The following LCK variants were observed in gnomAD, a reference collection of about 807,000 sequenced individuals.
LCK encodes the protein LCK proto-oncogene, Src family tyrosine kinase.
Under a neutral mutation model 64.6 loss-of-function variants are expected in LCK, and 14 were observed. The observed-to-expected ratio is 0.22, with a 90% confidence interval of 0.14 to 0.34. The LOEUF (loss-of-function observed/expected upper bound fraction) is 0.34, where lower values mean the gene tolerates loss of function less well. Ranked by LOEUF, LCK falls within the 10% of genes least tolerant of loss-of-function variation. The pLI, the probability that LCK is intolerant of heterozygous loss-of-function variation, is 1.00. For synonymous variants in LCK, 277 were observed against 263.6 expected (o/e 1.05, Z -0.49); for missense variants, 434 against 668.1 (o/e 0.65, Z 3.86).
rs10914545 is a variant in LCK at position 32,285,926 on chromosome 1, A to G, written c.*210A>G. 7.8e-3 allele frequency: 4,714 copies of G among 603,554 alleles called. 24 individuals carry two copies. Among genetic ancestry groups the G allele is most frequent in the Non-Finnish European group, 0.01 (3,433 of 339,692 alleles). The allele number at this position is 603,554 out of a possible 1,614,324, so 37.4% of individuals were successfully genotyped here. On this transcript the variant is annotated 3_prime_UTR_variant, in exon 13 of 13. Coordinates refer to ENST00000336890, the MANE Select transcript of LCK (RefSeq NM_005356.5). ...TGTCTTGTACATGTGTAGCCTGTGC[A>G]TGTATGTCTTGGACACTGTACAAGG...
chr1:32,255,454 G>T (rs1034386567), intron 1 of LCK, among the ~76,000 whole-genome samples: 5 of 152,170 alleles, frequency 3.3e-5, no homozygotes, highest in Non-Finnish European at 5.9e-5. Flanking sequence ...GTGTATGCGG[G>T]ATGTCTTTCC....
At chr1:32,279,586 C>A in intron 9 of LCK, 85 bp from the exon 10 acceptor site, 1 of 1,609,532 alleles carries the variant, frequency 6.2e-7, no homozygotes, top group Non-Finnish European at 8.5e-7. Context: ...GTCAGACACA[C>A]TTCTAGACTC....
chr1:32,265,790 T>C (rs1639892237), intron 1 of LCK, among the ~76,000 whole-genome samples: 2 of 152,164 alleles, frequency 1.3e-5, no homozygotes, highest in Admixed American at 6.6e-5. Flanking sequence ...TTTCTCACTG[T>C]TGCACCATAG....
In LCK at chr1:32,275,537, C is replaced by T. The variant is rs200550970; in HGVS notation, c.378-32C>T. ...CCACGGAGGAAGATCCGACGACAGC[C>T]GACGGCCTTCGTTCGCTTCCGCCCT... On this transcript the variant is annotated intron_variant, in intron 5 of 12. Transcript: ENST00000336890. This position sits in a 1 kb window ranked among gnomAD's most constrained non-coding sequence, Gnocchi z 6.9. 45 of 1,554,368 alleles carry T rather than the reference C, an allele frequency of 2.9e-5. 1 individual carries two copies. The African/African-American group carries it at 5.4e-4, about 19-fold the overall frequency.
intron 1 of LCK, among the ~76,000 whole-genome samples, chr1:32,252,277 G>T (rs558126088): frequency 2.0e-5 from 3 of 152,178 alleles, no homozygotes; most frequent in East Asian, 3.9e-4. Flanking sequence ...GCTCCCTCCC[G>T]CTTCAGCCCT....
chr1:32,278,378 C>T (rs1640346294), intron 9 of LCK, among the ~76,000 whole-genome samples: 1 of 151,840 alleles, frequency 6.6e-6, no homozygotes, highest in African/African-American at 2.4e-5. Flanking sequence ...TCACTCTGTC[C>T]TCCAGGCTGG....
intron 1 of LCK, 131 bp from the exon 2 acceptor site, chr1:32,274,194 G>T (rs1640185057): frequency 3.3e-6 from 5 of 1,525,648 alleles, no homozygotes; most frequent in Non-Finnish European, 4.4e-6. Flanking sequence ...TCTGTGGCTG[G>T]TGAATGGGGA....
At chr1:32,280,454 T>TC (rs1569969630) in intron 12 of LCK, among the ~76,000 whole-genome samples, 2 of 120,700 alleles carry the variant, frequency 1.7e-5, no homozygotes, top group East Asian at 4.5e-4. Flanking sequence ...TTTTTTTTTT[T>TC]TTTTTTTTTT....
Position 32,285,491 on chromosome 1 carries a change from T to A in LCK, c.1328-23T>A, listed in dbSNP as rs367741716. ...GGGCTTCCAGTGCCTGACCTTGATG[T>A]CCTTTCACCCATCAACCCGTAGGGA... On this transcript the variant is annotated intron_variant, in intron 12 of 12. Transcript: ENST00000336890. 22 of 1,605,996 alleles carry A rather than the reference T, an allele frequency of 1.4e-5. No individual in the cohort carries two copies. In the African/African-American group the frequency reaches 2.8e-4, roughly 20 times the overall value.
chr1:32,274,470 G>A (rs373547223), intron 2 of LCK, 36 bp downstream of exon 2: 9 of 1,550,828 alleles, frequency 5.8e-6, no homozygotes, highest in African/African-American at 1.4e-5. Context: ...TGAGGGAGTT[G>A]GGTAGAGAAT....
At chr1:32,253,027 T>G (rs1639544989) in intron 1 of LCK, among the ~76,000 whole-genome samples, 1 of 152,084 alleles carries the variant, frequency 6.6e-6, no homozygotes, top group Non-Finnish European at 1.5e-5. Flanking sequence ...CTTGAGCAAG[T>G]GGCTTCATCT....
intron 1 of LCK, among the ~76,000 whole-genome samples, chr1:32,261,135 C>T (rs570145358): frequency 6.6e-4 from 100 of 150,984 alleles, no homozygotes; most frequent in Non-Finnish European, 1.1e-3. Flanking sequence ...GGTATAATCA[C>T]GGCTCACTGC....
chr1:32,275,323 G>A lies in LCK; in HGVS notation c.281G>A (p.Ser94Asn), dbSNP rs142674647. 466 of 1,614,190 alleles carry A rather than the reference G, an allele frequency of 2.9e-4. 1 individual carries two copies. In the African/African-American group the frequency reaches 5.3e-3, roughly 18 times the overall value. The change falls in exon 5 of 13, where the codon AGC (serine) becomes AAC (asparagine). Residue 94 changes from serine to asparagine, a missense_variant and splice_region_variant. Coordinates refer to ENST00000336890, the MANE Select transcript of LCK (RefSeq NM_005356.5). This position sits in a 1 kb window ranked among gnomAD's most constrained non-coding sequence, Gnocchi z 6.9. ...ACTGACCCACCTCCGTGGCGCAGGA[G>A]CGGCGAGTGGTGGAAGGCGCAGTCC... ...KGEQLRILEQ[S>N]GEWWKAQSLT...
chr1:32,280,008 T>A lies in LCK; in HGVS notation c.1195+14T>A, dbSNP rs372974888. 7 of 1,613,876 alleles carry A rather than the reference T, an allele frequency of 4.3e-6. No homozygotes were observed. The African/African-American group carries it at 9.4e-5, about 22-fold the overall frequency. On this transcript the variant is annotated intron_variant, in intron 11 of 12. Coordinates refer to ENST00000336890, the MANE Select transcript of LCK (RefSeq NM_005356.5). ...CAGCCAGGGAGGGTACGTGTGAGAT[T>A]TAAGGGTGGTCTGGGCCCTGCAGGG...
intron 12 of LCK, among the ~76,000 whole-genome samples, chr1:32,283,468 C>G (rs1219487560): frequency 6.6e-6 from 1 of 152,008 alleles, no homozygotes; most frequent in Non-Finnish European, 1.5e-5. Context: ...TTGTCACAAT[C>G]TTTGTTCAGA....
At position 32,251,889 on chromosome 1, in the gene LCK, TGAGAAA is replaced by T. The variant is rs1257239319; in HGVS notation, c.-6+523_-6+528del. 1.8e-5 allele frequency among the ~76,000 whole-genome samples: 2 copies of T among 112,736 alleles called. No homozygotes were observed. Among genetic ancestry groups the T allele is most frequent in the East Asian group, 2.5e-4 (1 of 3,952 alleles). The allele number at this position is 112,736 out of a possible 152,430, so 74.0% of individuals were successfully genotyped here. On this transcript the variant is annotated intron_variant, in intron 1 of 12. Transcript: ENST00000336890. This position sits in a 1 kb window ranked among gnomAD's most constrained non-coding sequence, Gnocchi z 4.0. Reference sequence around the variant, plus strand: ...GCAGACCCCAGTGACAAGAATCTCCTGAGAAAGAGAGAGAGAGAGAGAGAGAGAGAG... The same window carrying T: ...GCAGACCCCAGTGACAAGAATCTCCTGAGAGAGAGAGAGAGAGAGAGAGAG...
At chr1:32,271,641 G>A (rs1640084065) in intron 1 of LCK, among the ~76,000 whole-genome samples, 1 of 152,188 alleles carries the variant, frequency 6.6e-6, no homozygotes, top group South Asian at 2.1e-4. Context: ...TGCAGTCTGG[G>A]CAAGAGAGTG....
At chr1:32,253,547 G>A (rs550470195) in intron 1 of LCK, among the ~76,000 whole-genome samples, 2 of 152,282 alleles carry the variant, frequency 1.3e-5, no homozygotes, top group African/African-American at 4.8e-5. Flanking sequence ...CCCCCAAAGT[G>A]CTGGGATTAC....
intron 1 of LCK, among the ~76,000 whole-genome samples, chr1:32,259,125 C>T (rs933790217): frequency 2.0e-5 from 3 of 151,452 alleles, no homozygotes; most frequent in African/African-American, 4.9e-5. Context: ...TGACGGGGCA[C>T]GGTAGCCCAT....
Sources: gnomAD v4.1 joint callset for allele counts (sites outside exome capture counted in the v4.1 genomes callset) on GRCh38, gnomAD v4.1.1 for gene constraint, Gnocchi (gnomAD v3.1) non-coding constraint, MANE v1.5 for transcripts, NCBI Gene and HGNC (gene_info 2026-07-23, HGNC 2026-07-21) for gene names.